Variants in SOX5 observed in about 807,000 individuals in gnomAD.
SOX5 encodes the protein SRY-box transcription factor 5.
In SOX5, 9 loss-of-function variants were observed where a neutral mutation model predicts 92.0. The ratio of observed to expected loss-of-function variants is 0.10; its 90% CI spans 0.06 to 0.17. SOX5 has a LOEUF of 0.17. SOX5 is among the 10% of genes least tolerant of loss of function. SOX5 has a pLI of 1.00. For missense variants in SOX5, 642 were observed against 944.5 expected (o/e 0.68, Z 4.20); for synonymous variants, 344 against 336.3 (o/e 1.02, Z -0.25).
chr12:23,965,651 C>A (rs1947470723), intron 4 of SOX5, among the ~76,000 whole-genome samples: 1 of 152,144 alleles, frequency 6.6e-6, no homozygotes, highest in Non-Finnish European at 1.5e-5. Flanking sequence ...TGGAGTCTTG[C>A]TCTGTCACCT....
intron 3 of SOX5, among the ~76,000 whole-genome samples, chr12:24,216,473 G>A (rs1203530563): frequency 6.6e-6 from 1 of 151,868 alleles, no homozygotes; most frequent in African/African-American, 2.4e-5. Flanking sequence ...GACAGAGCGC[G>A]ACTCCGCCTC....
chr12:24,180,909 A>G (rs1023579149), intron 4 of SOX5, among the ~76,000 whole-genome samples: 5 of 152,208 alleles, frequency 3.3e-5, no homozygotes, highest in Non-Finnish European at 7.3e-5. Flanking sequence ...TGGCTCACAC[A>G]GGAGATGTGA....
chr12:23,929,588 G>GA (rs1164810136), intron 1 of SOX5, among the ~76,000 whole-genome samples: 4 of 150,528 alleles, frequency 2.7e-5, no homozygotes, highest in East Asian at 1.9e-4. Context: ...TGTGAAAGAG[G>GA]AAAAAAAACA....
At chr12:24,091,711 G>A (rs1469463367) in intron 4 of SOX5, among the ~76,000 whole-genome samples, 2 of 152,066 alleles carry the variant, frequency 1.3e-5, no homozygotes, top group African/African-American at 2.4e-5. Flanking sequence ...TTCATGCTAG[G>A]ATTGAAAATA....
chr12:24,346,132 C>T (rs1282117465), intron 2 of SOX5, among the ~76,000 whole-genome samples: 1 of 152,218 alleles, frequency 6.6e-6, no homozygotes, highest in Non-Finnish European at 1.5e-5. Context: ...CTTCTAGATT[C>T]AGGTCCTTTT....
chr12:24,516,133 T>C (rs1374162885), intron 1 of SOX5, among the ~76,000 whole-genome samples: 1 of 151,662 alleles, frequency 6.6e-6, no homozygotes, highest in East Asian at 1.9e-4. Flanking sequence ...GCCTCAACCT[T>C]CCGGGCTAAA....
chr12:23,637,116 T>C (rs374899030), intron 8 of SOX5, among the ~76,000 whole-genome samples: 1 of 152,118 alleles, frequency 6.6e-6, no homozygotes, highest in African/African-American at 2.4e-5. Flanking sequence ...GAAAACAGGA[T>C]CCTTTTGTGT....
At chr12:24,207,352 T>G (rs1176401168) in intron 4 of SOX5, among the ~76,000 whole-genome samples, 1 of 151,980 alleles carries the variant, frequency 6.6e-6, no homozygotes, top group East Asian at 1.9e-4. Flanking sequence ...GAGAACAATA[T>G]CGCCACGTTC....
intron 1 of SOX5, among the ~76,000 whole-genome samples, chr12:24,481,302 T>A (rs567740217): frequency 6.6e-6 from 1 of 152,144 alleles, no homozygotes; most frequent in African/African-American, 2.4e-5. Flanking sequence ...TAGGGATGGT[T>A]AATGGGTACA....
intron 4 of SOX5, among the ~76,000 whole-genome samples, chr12:24,197,635 T>C (rs1335556727): frequency 6.6e-6 from 1 of 152,154 alleles, no homozygotes; most frequent in Non-Finnish European, 1.5e-5. Flanking sequence ...CTTCCTGCTC[T>C]GTGCTTTGTG....
At chr12:24,202,610 C>G (rs974778586) in intron 4 of SOX5, among the ~76,000 whole-genome samples, 1 of 152,178 alleles carries the variant, frequency 6.6e-6, no homozygotes, top group Non-Finnish European at 1.5e-5. Flanking sequence ...CTCTTTCCAT[C>G]TGGGACAGTT....
At chr12:23,687,689 A>T (rs1218821954) in intron 6 of SOX5, among the ~76,000 whole-genome samples, 1 of 152,058 alleles carries the variant, frequency 6.6e-6, no homozygotes, top group Non-Finnish European at 1.5e-5. Context: ...TGGAGAGCTT[A>T]TATGATTGCA....
At chr12:24,350,432 C>T (rs1473587349) in intron 2 of SOX5, among the ~76,000 whole-genome samples, 1 of 152,182 alleles carries the variant, frequency 6.6e-6, no homozygotes, top group South Asian at 2.1e-4. Context: ...GCAACCTCAA[C>T]CTCCCAGGCT....
chr12:23,806,107 C>G (rs1192561800), intron 3 of SOX5, among the ~76,000 whole-genome samples: 1 of 152,174 alleles, frequency 6.6e-6, no homozygotes, highest in African/African-American at 2.4e-5. Flanking sequence ...AATTCTCTTT[C>G]TGCTTTAACT....
intron 2 of SOX5, among the ~76,000 whole-genome samples, chr12:23,868,922 T>C (rs2096844024): frequency 6.6e-6 from 1 of 152,116 alleles, no homozygotes; most frequent in African/African-American, 2.4e-5. Flanking sequence ...GATTATAAAG[T>C]CCTAATTTTT....
At chr12:24,078,276 T>C (rs1051330395) in intron 4 of SOX5, among the ~76,000 whole-genome samples, 1 of 151,960 alleles carries the variant, frequency 6.6e-6, no homozygotes, top group African/African-American at 2.4e-5. Flanking sequence ...GAGAGAACTT[T>C]GTGAAGTGGG....
chr12:23,590,506 C>T lies in SOX5; in HGVS notation c.1164+13881G>A, dbSNP rs540721929. Among the ~76,000 whole-genome samples, 87 of 152,040 alleles carry T rather than the reference C, an allele frequency of 5.7e-4. 2 individuals carry two copies. In the South Asian group the frequency reaches 0.018, roughly 31 times the overall value. Reference sequence around the variant, plus strand: ...TTCAAAAACCTTCTAAATGTCACACCTTCTGGAACCCTTTTCCTTATTCTC... The same window carrying T: ...TTCAAAAACCTTCTAAATGTCACACTTTCTGGAACCCTTTTCCTTATTCTC... On this transcript the variant is annotated intron_variant, in intron 9 of 14. Transcript: ENST00000451604.
intron 1 of SOX5, among the ~76,000 whole-genome samples, chr12:23,914,559 C>G (rs1456685216): frequency 6.6e-6 from 1 of 152,032 alleles, no homozygotes; most frequent in Non-Finnish European, 1.5e-5. Context: ...GGAAGAGGCA[C>G]AGACATTTGA....
intron 4 of SOX5, among the ~76,000 whole-genome samples, chr12:24,091,731 T>A (rs571732906): frequency 6.6e-6 from 1 of 152,322 alleles, no homozygotes; most frequent in African/African-American, 2.4e-5. Flanking sequence ...ATAATCTTTT[T>A]TCTTTAAGAG....
Sources: gnomAD v4.1 joint callset for allele counts (sites outside exome capture counted in the v4.1 genomes callset) on GRCh38, gnomAD v4.1.1 for gene constraint, MANE v1.5 for transcripts, NCBI Gene and HGNC (gene_info 2026-07-23, HGNC 2026-07-21) for gene names.